Variants in TRPM6 observed in about 807,000 individuals in gnomAD.
The protein encoded by TRPM6 is transient receptor potential cation channel subfamily M member 6.
Under a neutral mutation model 247.6 loss-of-function variants are expected in TRPM6, and 111 were observed. The observed-to-expected ratio is 0.45, with a 90% CI of 0.38 to 0.52. The LOEUF is 0.52. Among genes scored for constraint, TRPM6 ranks in the 20% least tolerant of loss-of-function variants. The probability of loss-of-function intolerance (pLI) is 0.00; values close to 1 mark genes in which losing one functional copy is unlikely to be tolerated. For missense variants in TRPM6, 2,126 were observed against 2,421.5 expected, an observed-to-expected ratio of 0.88 and a Z score of 2.56; for synonymous variants, 892 against 853.8, an observed-to-expected ratio of 1.04 and a Z score of -0.78.
chr9:74,857,624 CA>C (rs1208643658), intron 2 of TRPM6: 8 of 152,166 alleles, frequency 5.3e-5, no homozygotes, highest in Admixed American at 5.2e-4. Context: ...TAGTCAAACT[CA>C]AATTATTCCA....
intron 26 of TRPM6, 43 bp from the exon 27 acceptor site, chr9:74,761,851 T>C (rs748499593): frequency 2.8e-5 from 42 of 1,522,364 alleles, no homozygotes; most frequent in Non-Finnish European, 3.8e-5. Context: ...CAACAGTAAG[T>C]GGGGAACATT....
intron 5 of TRPM6, among the ~76,000 whole-genome samples, chr9:74,837,607 C>T (rs896179337): frequency 6.6e-6 from 1 of 152,052 alleles, no homozygotes; most frequent in Non-Finnish European, 1.5e-5. Context: ...CCGCCACACT[C>T]GGCTAATTTT....
At chr9:74,808,322 C>T in intron 13 of TRPM6, 148 bp from the exon 14 acceptor site, 1 of 983,742 alleles carries the variant, frequency 1.0e-6, no homozygotes, top group South Asian at 1.4e-5. Flanking sequence ...AAGTGACCAG[C>T]CATTGATACA....
chr9:74,801,973 T>G lies in TRPM6; in HGVS notation c.1934A>C (p.Tyr645Ser), dbSNP rs779501873. 6.2e-7 allele frequency: 1 copy of G among 1,614,242 alleles called. No individual in the cohort carries two copies. The highest frequency in any genetic ancestry group is 1.1e-5 in the South Asian group (1 of 91,086). Residue 645 changes from tyrosine (Y) to serine (S), a missense_variant, in exon 16 of 39, where the codon TAC becomes TCC. Around this residue, in one of 3 missense-constraint regions of TRPM6, gnomAD observed 1,082 missense variants for 1,307.9 expected, o/e 0.83. Coordinates refer to ENST00000360774, the MANE Select transcript of TRPM6 (RefSeq NM_017662.5). ...CTTAGCTTCATGGGCCATTGCCCGG[T>G]AGAGGATACACGCAATCACGGCTTT... ...TVKAVIACIL[Y>S]RAMAHEAKES...
chr9:74,761,452 G>T (rs1826627491), intron 27 of TRPM6, among the ~76,000 whole-genome samples: 1 of 152,154 alleles, frequency 6.6e-6, no homozygotes, highest in South Asian at 2.1e-4. Context: ...GTGTATGCCT[G>T]TAGTCCCAGC....
chr9:74,859,232 A>G (rs1010451188), intron 1 of TRPM6, among the ~76,000 whole-genome samples: 1 of 152,210 alleles, frequency 6.6e-6, no homozygotes, highest in African/African-American at 2.4e-5. Flanking sequence ...CTGCAAGCAT[A>G]GTTTTACCAT....
At chr9:74,827,460 A>T (rs1422733474) in intron 7 of TRPM6, among the ~76,000 whole-genome samples, 1 of 152,080 alleles carries the variant, frequency 6.6e-6, no homozygotes, top group Non-Finnish European at 1.5e-5. Flanking sequence ...CACCTTGACC[A>T]TGGTGAACCC....
chr9:74,777,829 G>C lies in TRPM6; in HGVS notation c.3210-1753C>G, dbSNP rs1255093541. ...AGCAGCACAAATACTTTCCCCCACAGTATGAAAAATACACACCTCTAGCAC... is the reference window on the plus strand; with the variant it reads ...AGCAGCACAAATACTTTCCCCCACACTATGAAAAATACACACCTCTAGCAC... On this transcript the variant is annotated intron_variant, in intron 23 of 38. Transcript: ENST00000360774. Among the ~76,000 whole-genome samples, 10 of 152,206 alleles carry C rather than the reference G, an allele frequency of 6.6e-5. No homozygotes were observed. In the East Asian group the frequency reaches 1.9e-3, roughly 29 times the overall value.
intron 7 of TRPM6, among the ~76,000 whole-genome samples, chr9:74,824,517 A>G (rs1243062082): frequency 8.0e-5 from 2 of 25,074 alleles, no homozygotes; most frequent in Non-Finnish European, 1.3e-4. Context: ...TTCTGAAAAA[A>G]AAAAAAAAAA....
chr9:74,797,972 G>A (rs1828160225), intron 17 of TRPM6, among the ~76,000 whole-genome samples: 1 of 152,104 alleles, frequency 6.6e-6, no homozygotes, highest in South Asian at 2.1e-4. Flanking sequence ...TAAAACCCAA[G>A]GAGGGTATAG....
Position 74,858,651 on chromosome 9 carries a change from G to C in TRPM6, c.113+18C>G, listed in dbSNP as rs766503297. 6.4e-7 allele frequency: 1 copy of C among 1,571,788 alleles called. No individual in the cohort carries two copies. Among genetic ancestry groups the C allele is most frequent in the South Asian group, 1.1e-5 (1 of 89,382 alleles). ...GGTAGTGTTGCTTTTAAAAGAAGAA[G>C]GTAATTGAAAATTTTACCTGTGAGG... On this transcript the variant is annotated intron_variant, in intron 2 of 38. Coordinates refer to ENST00000360774, the MANE Select transcript of TRPM6 (RefSeq NM_017662.5).
rs141960190 is a variant in TRPM6, at chr9:74,876,113, C to T, written c.33+11711G>A. ...TTACTTATTTTTGGAGATGGATTTT[C>T]GCTCTTGTCGCCCAGGCTGGAATGC... On this transcript the variant is annotated intron_variant, in intron 1 of 38. Transcript: ENST00000360774. 6.5e-3 allele frequency among the ~76,000 whole-genome samples: 996 copies of T among 152,110 alleles called. 14 individuals are homozygous for T. Among genetic ancestry groups the T allele is most frequent in the African/African-American group, 0.023 (955 of 41,504 alleles).
chr9:74,730,200 A>G (rs1254224987), intron 37 of TRPM6, among the ~76,000 whole-genome samples: 1 of 152,228 alleles, frequency 6.6e-6, no homozygotes, highest in African/African-American at 2.4e-5. Context: ...AGGAAACGCT[A>G]ATTAGTGCCA....
chr9:74,791,740 A>T (rs1432603163), intron 19 of TRPM6, among the ~76,000 whole-genome samples: 2 of 152,114 alleles, frequency 1.3e-5, no homozygotes, highest in African/African-American at 4.8e-5. Context: ...CCTACAAACA[A>T]AAAGCTGATT....
intron 25 of TRPM6, among the ~76,000 whole-genome samples, chr9:74,768,532 C>A (rs1009013617): frequency 6.6e-6 from 1 of 152,226 alleles, no homozygotes; most frequent in Non-Finnish European, 1.5e-5. Context: ...TTCTCTCACA[C>A]CTCCTGTGCC....
intron 5 of TRPM6, among the ~76,000 whole-genome samples, 184 bp downstream of exon 5, chr9:74,839,838 GAA>G (rs1318663368): frequency 8.2e-6 from 1 of 122,064 alleles, no homozygotes; most frequent in Admixed American, 1.0e-4. Context: ...AAAGAAAAAA[GAA>G]AAAGAGAAGA....
chr9:74,743,461 G>A (rs911430354), intron 32 of TRPM6, among the ~76,000 whole-genome samples: 6 of 152,226 alleles, frequency 3.9e-5, no homozygotes, highest in African/African-American at 1.4e-4. Flanking sequence ...AATGGCACAA[G>A]TCCAGTTGGT....
At position 74,724,701 on chromosome 9, in the gene TRPM6, A is replaced by G. The variant is rs1352458145; in HGVS notation, c.5981T>C (p.Phe1994Ser). The change falls in exon 39 of 39, where the codon TTT becomes TCT. Residue 1994 changes from phenylalanine to serine, a missense_variant. This residue lies in a region of TRPM6 where 327 missense variants were observed against 397.7 expected (regional missense o/e 0.82). Coordinates refer to ENST00000360774, the MANE Select transcript of TRPM6 (RefSeq NM_017662.5). Reference protein sequence around the residue: ...DYSPERINSTFGLEIKIESAE... With the variant: ...DYSPERINSTSGLEIKIESAE... Reference sequence around the variant, plus strand: ...TGATTCTATTTTTATCTCAAGTCCAAAGGTGGAATTTATCCTTTCAGGGGA... The same window carrying G: ...TGATTCTATTTTTATCTCAAGTCCAGAGGTGGAATTTATCCTTTCAGGGGA... The G allele has an allele frequency of 6.2e-7, 1 of 1,614,092 alleles. No individual in the cohort carries two copies.
At chr9:74,781,776 A>C (rs1587498835) in intron 23 of TRPM6, among the ~76,000 whole-genome samples, 1 of 152,106 alleles carries the variant, frequency 6.6e-6, no homozygotes, top group African/African-American at 2.4e-5. Context: ...ATCACAACTC[A>C]AGATCTCCTT....
Sources: allele counts gnomAD v4.1 joint callset (sites outside exome capture counted in the v4.1 genomes callset), GRCh38; gene constraint gnomAD v4.1.1; regional missense constraint gnomAD v4.1.1; transcripts MANE v1.5; gene names NCBI Gene and HGNC (gene_info 2026-07-23, HGNC 2026-07-21).